SLC60A1: variants seen among roughly 807,000 people sequenced by gnomAD.
SLC60A1 encodes solute carrier family 60 member 1, also known as major facilitator superfamily domain containing 4.
chr1:205,584,828 G>A, the SLC60A1 span: 1 of 1,555,574 alleles, frequency 6.4e-7, no homozygotes, highest in Non-Finnish European at 8.9e-7. Context: ...TGCAGAGGGA[G>A]GGAGCAGAAG....
At chr1:205,569,247 C>T in the SLC60A1 span, 1 of 1,570,586 alleles carries the variant, frequency 6.4e-7, no homozygotes, top group Non-Finnish European at 8.6e-7. Flanking sequence ...CTTCTTCTCG[C>T]AGCAGCTCTG....
the SLC60A1 span, chr1:205,569,204 G>A: frequency 6.4e-7 from 1 of 1,555,556 alleles, no homozygotes; most frequent in East Asian, 2.4e-5. Context: ...TGCGCTGTCA[G>A]ACGCACAGCT....
At chr1:205,570,835 A>G in the SLC60A1 span, among the ~76,000 whole-genome samples, 1 of 152,212 alleles carries the variant, frequency 6.6e-6, no homozygotes, top group Non-Finnish European at 1.5e-5. Flanking sequence ...AAGCTCCTTT[A>G]CCTGGAACTT....
chr1:205,602,885 G>A, the SLC60A1 span: 1 of 152,148 alleles, frequency 6.6e-6, no homozygotes, highest in Non-Finnish European at 1.5e-5. Context: ...ACAAATCTAA[G>A]AGTACCTTTC....
At chr1:205,572,734 C>T in the SLC60A1 span, among the ~76,000 whole-genome samples, 8 of 152,266 alleles carry the variant, frequency 5.3e-5, no homozygotes, top group East Asian at 1.4e-3. Flanking sequence ...ATGCAACAAA[C>T]CTGTGCCAAA....
the SLC60A1 span, chr1:205,597,944 G>T: frequency 3.0e-6 from 4 of 1,317,370 alleles, no homozygotes; most frequent in South Asian, 3.6e-5. Flanking sequence ...AACTCAAACT[G>T]TCCCTTTCCT....
At chr1:205,579,599 G>C in the SLC60A1 span, 1 of 843,610 alleles carries the variant, frequency 1.2e-6, no homozygotes, top group East Asian at 2.6e-5. Context: ...CTTGCCCACA[G>C]CTAATAAGTG....
the SLC60A1 span, among the ~76,000 whole-genome samples, chr1:205,591,492 AAAAAAAAAAAGG>A: frequency 7.5e-6 from 1 of 133,884 alleles, no homozygotes. Context: ...TCAAAAAAAA[AAAAAAAAAAAGG>A]AAAGAAAAGA....
At chr1:205,580,285 G>T in the SLC60A1 span, among the ~76,000 whole-genome samples, 1 of 151,804 alleles carries the variant, frequency 6.6e-6, no homozygotes, top group African/African-American at 2.4e-5. The surrounding 1 kb of genome is among the most constrained non-coding windows in gnomAD (Gnocchi z 5.0). Context: ...CCCTTTTTGT[G>T]CCCAGGATTC....
the SLC60A1 span, among the ~76,000 whole-genome samples, chr1:205,583,671 C>A: frequency 6.6e-6 from 1 of 152,218 alleles, no homozygotes; most frequent in Non-Finnish European, 1.5e-5. Context: ...AGCACCTCTC[C>A]TGGGCCAGCA....
chr1:205,591,904 A>G, the SLC60A1 span: 1 of 507,464 alleles, frequency 2.0e-6, no homozygotes, highest in Non-Finnish European at 3.6e-6. Flanking sequence ...GGAGATGTCT[A>G]GGTGGGAAGA....
chr1:205,573,672 G>A, the SLC60A1 span, among the ~76,000 whole-genome samples: 12 of 152,076 alleles, frequency 7.9e-5, no homozygotes, highest in Non-Finnish European at 1.5e-4. Flanking sequence ...AATGGGGAGT[G>A]ACTACTAATG....
the SLC60A1 span, chr1:205,569,342 AC>A: frequency 7.4e-7 from 1 of 1,344,814 alleles, no homozygotes; most frequent in Non-Finnish European, 9.7e-7. Context: ...GGCCCCCGGC[AC>A]CCACCCTCGC....
chr1:205,584,161 T>C, the SLC60A1 span: 1 of 1,586,846 alleles, frequency 6.3e-7, no homozygotes, highest in Non-Finnish European at 8.6e-7. Flanking sequence ...CACAGCCTCA[T>C]GTTGAGGCTT....
At chr1:205,571,615 CAG>C in the SLC60A1 span, among the ~76,000 whole-genome samples, 5 of 152,122 alleles carry the variant, frequency 3.3e-5, no homozygotes, top group African/African-American at 7.2e-5. Flanking sequence ...ACAGTGGAAA[CAG>C]AGGGATGTCC....
At chr1:205,576,378 G>A in the SLC60A1 span, among the ~76,000 whole-genome samples, 1 of 152,204 alleles carries the variant, frequency 6.6e-6, no homozygotes, top group Non-Finnish European at 1.5e-5. Context: ...AAAGGAGGAT[G>A]AAATGTCACA....
the SLC60A1 span, chr1:205,579,618 C>T: frequency 9.9e-7 from 1 of 1,008,848 alleles, no homozygotes; most frequent in Non-Finnish European, 1.5e-6. Context: ...TGAGCAGCTT[C>T]TTCCTCAGCT....
chr1:205,582,179 C>G, the SLC60A1 span, among the ~76,000 whole-genome samples: 7 of 152,102 alleles, frequency 4.6e-5, no homozygotes, highest in Admixed American at 4.6e-4. Flanking sequence ...GAGAGACCTG[C>G]GAAGGAAAGG....
chr1:205,575,272 G>A, the SLC60A1 span, among the ~76,000 whole-genome samples: 1 of 152,194 alleles, frequency 6.6e-6, no homozygotes, highest in Admixed American at 6.5e-5. Flanking sequence ...GGTCCTTCGA[G>A]GAAGGAGATT....
Sources: allele counts gnomAD v4.1 joint callset (sites outside exome capture counted in the v4.1 genomes callset), GRCh38; gene constraint gnomAD v4.1.1; non-coding constraint Gnocchi (gnomAD v3.1); transcripts MANE v1.5; gene names NCBI Gene and HGNC (gene_info 2026-07-23, HGNC 2026-07-21).